CYBRD1: variants seen among roughly 807,000 people sequenced by gnomAD.
The protein encoded by CYBRD1 is plasma membrane ascorbate-dependent reductase CYBRD1.
A neutral mutation model predicts 21.9 loss-of-function variants in CYBRD1; 14 were observed. The ratio of observed to expected loss-of-function variants is 0.64; its 90% CI spans 0.42 to 1.00. CYBRD1 has a LOEUF of 1.00. Ranked by LOEUF, CYBRD1 falls within the 50% of genes least tolerant of loss-of-function variation. CYBRD1 has a pLI of 0.00. For missense variants in CYBRD1, 328 were observed against 352.5 expected (o/e 0.93, Z 0.56); for synonymous variants, 146 against 136.5 (o/e 1.07, Z -0.48).
chr2:171,534,148 A>G (rs1218330446), intron 1 of CYBRD1, among the ~76,000 whole-genome samples: 1 of 152,044 alleles, frequency 6.6e-6, no homozygotes, highest in Non-Finnish European at 1.5e-5. Flanking sequence ...TTCCACCATC[A>G]ATATCTTTTC....
intron 2 of CYBRD1, among the ~76,000 whole-genome samples, chr2:171,552,732 G>C (rs907310405): frequency 2.6e-5 from 4 of 152,142 alleles, no homozygotes; most frequent in African/African-American, 9.7e-5. Flanking sequence ...TCCCACTAGC[G>C]ATTTCATTAT....
chr2:171,526,275 A>G (rs1697384882), intron 1 of CYBRD1, among the ~76,000 whole-genome samples: 1 of 151,938 alleles, frequency 6.6e-6, no homozygotes, highest in South Asian at 2.1e-4. Context: ...TCGAAAAAAA[A>G]AGAGGGATAA....
At chr2:171,545,545 ATTTTTT>A (rs35880894) in intron 2 of CYBRD1, among the ~76,000 whole-genome samples, 5 of 121,598 alleles carry the variant, frequency 4.1e-5, no homozygotes, top group Admixed American at 1.7e-4. Flanking sequence ...CATGTGGCTA[ATTTTTT>A]TTTTTTTTTT....
intron 1 of CYBRD1, among the ~76,000 whole-genome samples, chr2:171,530,083 A>G (rs1269553159): frequency 4.6e-5 from 7 of 152,200 alleles, no homozygotes; most frequent in Non-Finnish European, 1.0e-4. Context: ...AGACAGGCAG[A>G]GATTGGAGTG....
intron 2 of CYBRD1, 140 bp downstream of exon 2, chr2:171,541,933 T>C (rs765009255): frequency 2.8e-6 from 2 of 707,952 alleles, no homozygotes; most frequent in Non-Finnish European, 4.7e-6. Context: ...GCTGCGATCT[T>C]GGCTCACTGC....
chr2:171,545,807 A>G (rs1469190156), intron 2 of CYBRD1, among the ~76,000 whole-genome samples: 2 of 152,134 alleles, frequency 1.3e-5, no homozygotes, highest in African/African-American at 4.8e-5. Flanking sequence ...TGGGATACCC[A>G]TTATTTCATT....
intron 1 of CYBRD1, among the ~76,000 whole-genome samples, chr2:171,539,491 C>T (rs185621273): frequency 6.2e-4 from 94 of 152,118 alleles, no homozygotes; most frequent in African/African-American, 2.2e-3. Flanking sequence ...AAGAAATATA[C>T]GTGATACCCT....
At chr2:171,543,057 TA>T (rs986284854) in intron 2 of CYBRD1, among the ~76,000 whole-genome samples, 7 of 151,296 alleles carry the variant, frequency 4.6e-5, no homozygotes, top group Admixed American at 2.0e-4. Flanking sequence ...TCAATAAAGG[TA>T]AAAAAAAATC....
intron 3 of CYBRD1, among the ~76,000 whole-genome samples, chr2:171,554,188 C>CT (rs1683440545): frequency 6.6e-6 from 1 of 152,112 alleles, no homozygotes. Context: ...GCCTCGGGTC[C>CT]TTTTGCTACT....
At chr2:171,544,531 CA>C (rs768586829) in intron 2 of CYBRD1, among the ~76,000 whole-genome samples, 2 of 151,868 alleles carry the variant, frequency 1.3e-5, no homozygotes, top group African/African-American at 4.8e-5. Flanking sequence ...AAAAACAAAC[CA>C]AAAAAACCCC....
chr2:171,552,661 G>A (rs567398784), intron 2 of CYBRD1, among the ~76,000 whole-genome samples: 12 of 152,302 alleles, frequency 7.9e-5, no homozygotes, highest in South Asian at 2.1e-4. Flanking sequence ...TGACAAAACC[G>A]TGAAAGCGCA....
intron 2 of CYBRD1, among the ~76,000 whole-genome samples, chr2:171,543,501 G>A (rs756538572): frequency 1.3e-5 from 2 of 151,992 alleles, no homozygotes; most frequent in Admixed American, 6.6e-5. Flanking sequence ...TCCTCAACCA[G>A]ATAAAGTTCT....
chr2:171,527,373 C>A (rs185369919), intron 1 of CYBRD1, among the ~76,000 whole-genome samples: 1 of 152,164 alleles, frequency 6.6e-6, no homozygotes, highest in Non-Finnish European at 1.5e-5. Flanking sequence ...TGAGAACTGG[C>A]ACATGGTAGA....
At chr2:171,538,881 TCCG>T (rs1199670482) in intron 1 of CYBRD1, among the ~76,000 whole-genome samples, 9 of 152,160 alleles carry the variant, frequency 5.9e-5, no homozygotes, top group African/African-American at 2.2e-4. Flanking sequence ...TACTGCAACC[TCCG>T]CCTCCCGAGT....
At chr2:171,537,112 A>C (rs1218796449) in intron 1 of CYBRD1, among the ~76,000 whole-genome samples, 2 of 152,130 alleles carry the variant, frequency 1.3e-5, no homozygotes, top group Admixed American at 6.6e-5. Context: ...AAGCACTTAG[A>C]TGGTACCTAC....
At chr2:171,544,519 G>A (rs1697681653) in intron 2 of CYBRD1, among the ~76,000 whole-genome samples, 1 of 151,936 alleles carries the variant, frequency 6.6e-6, no homozygotes, top group African/African-American at 2.4e-5. Context: ...CTAGTACACA[G>A]AAAAAACAAA....
chr2:171,529,286 C>A (rs1166675362), intron 1 of CYBRD1, among the ~76,000 whole-genome samples: 1 of 152,152 alleles, frequency 6.6e-6, no homozygotes, highest in Non-Finnish European at 1.5e-5. Context: ...AATCCCAGCA[C>A]TTTGGGAGGC....
intron 2 of CYBRD1, among the ~76,000 whole-genome samples, chr2:171,543,373 G>A (rs1481203328): frequency 1.3e-5 from 2 of 152,144 alleles, no homozygotes; most frequent in Non-Finnish European, 2.9e-5. Flanking sequence ...CTGAACCTTG[G>A]AGTCCTCTCT....
chr2:171,538,936 T>C (rs1418532815), intron 1 of CYBRD1, among the ~76,000 whole-genome samples: 3 of 152,200 alleles, frequency 2.0e-5, no homozygotes, highest in African/African-American at 7.2e-5. Flanking sequence ...TAGCTGGGAT[T>C]ACAGGTGCCT....
Sources: allele counts gnomAD v4.1 joint callset (sites outside exome capture counted in the v4.1 genomes callset), GRCh38; gene constraint gnomAD v4.1.1; transcripts MANE v1.5; gene names NCBI Gene and HGNC (gene_info 2026-07-23, HGNC 2026-07-21).